The following DENND5B variants were observed in gnomAD, a reference collection of about 807,000 sequenced individuals.
DENND5B encodes the protein DENN domain containing 5B.
Under a neutral mutation model 140.6 loss-of-function variants are expected in DENND5B, and 34 were observed. That is an observed-to-expected ratio of 0.24 (90% CI 0.18 to 0.32). The LOEUF (loss-of-function observed/expected upper bound fraction) is 0.32, where lower values mean the gene tolerates loss of function less well. Ranked by LOEUF, DENND5B falls within the 10% of genes least tolerant of loss-of-function variation. The pLI is 1.00. For missense variants in DENND5B, 1,142 were observed against 1,560.2 expected (o/e 0.73, Z 4.52); for synonymous variants, 551 against 562.1 (o/e 0.98, Z 0.28).
At chr12:31,530,909 C>T (rs1948256935) in intron 1 of DENND5B, among the ~76,000 whole-genome samples, 1 of 152,144 alleles carries the variant, frequency 6.6e-6, no homozygotes, top group African/African-American at 2.4e-5. Context: ...AGATTCATCT[C>T]CTATTTTACT....
chr12:31,485,317 G>C (rs561533883), intron 2 of DENND5B, among the ~76,000 whole-genome samples: 1 of 152,072 alleles, frequency 6.6e-6, no homozygotes, highest in Non-Finnish European at 1.5e-5. Flanking sequence ...CAAGCATCTC[G>C]ACAATTTTTT....
At chr12:31,502,876 T>C (rs898548008) in intron 1 of DENND5B, among the ~76,000 whole-genome samples, 1 of 152,198 alleles carries the variant, frequency 6.6e-6, no homozygotes, top group Non-Finnish European at 1.5e-5. Flanking sequence ...ATCGGTTTAT[T>C]ACAAATATCT....
intron 1 of DENND5B, among the ~76,000 whole-genome samples, chr12:31,566,524 T>C (rs1198943451): frequency 6.6e-6 from 1 of 151,966 alleles, no homozygotes; most frequent in Non-Finnish European, 1.5e-5. Flanking sequence ...ATCCCAGCAC[T>C]TTGGGAGGCA....
rs759216087 is a variant in DENND5B at position 31,392,249 on chromosome 12, C to T, written c.3466+18G>A. The T allele has an allele frequency of 2.5e-6, 4 of 1,612,588 alleles. No individual in the cohort carries two copies. The highest frequency in any genetic ancestry group is 1.7e-5 in the Admixed American group (1 of 59,926). ...AGGCTTCAGTGACCTTAATGTAATA[C>T]ACATCTACTTTATTTACCTATGAAG... On this transcript the variant is annotated intron_variant, in intron 19 of 20. Transcript: ENST00000389082.
At chr12:31,571,280 G>C (rs1381683234) in intron 1 of DENND5B, among the ~76,000 whole-genome samples, 1 of 152,184 alleles carries the variant, frequency 6.6e-6, no homozygotes, top group African/African-American at 2.4e-5. Context: ...CAGTAAGATA[G>C]AGATCAAGAG....
chr12:31,546,333 C>A (rs996043110), intron 1 of DENND5B, among the ~76,000 whole-genome samples: 1 of 152,078 alleles, frequency 6.6e-6, no homozygotes, highest in Non-Finnish European at 1.5e-5. Context: ...CTCTTAAATT[C>A]TTTCTCCATT....
intron 1 of DENND5B, among the ~76,000 whole-genome samples, chr12:31,508,864 T>C (rs1335559295): frequency 6.6e-6 from 1 of 152,152 alleles, no homozygotes; most frequent in African/African-American, 2.4e-5. Flanking sequence ...ACTAAGACCC[T>C]CCCAGTTCTA....
At chr12:31,505,710 G>A (rs952630046) in intron 1 of DENND5B, among the ~76,000 whole-genome samples, 5 of 152,130 alleles carry the variant, frequency 3.3e-5, no homozygotes, top group African/African-American at 1.2e-4. Flanking sequence ...TGATGGTCAT[G>A]AAAGGAATCA....
intron 3 of DENND5B, chr12:31,465,910 C>G (rs1426576779): frequency 6.5e-6 from 1 of 152,730 alleles, no homozygotes; most frequent in African/African-American, 2.4e-5. Flanking sequence ...CCTAAGCCAC[C>G]CAACCTAAAC....
At chr12:31,585,090 C>T (rs1445970131) in intron 1 of DENND5B, among the ~76,000 whole-genome samples, 1 of 152,106 alleles carries the variant, frequency 6.6e-6, no homozygotes, top group East Asian at 1.9e-4. Flanking sequence ...TCTAGGAGGG[C>T]ACCAAGCCAT....
intron 1 of DENND5B, among the ~76,000 whole-genome samples, chr12:31,584,081 AT>A (rs1275647555): frequency 6.6e-6 from 1 of 152,160 alleles, no homozygotes; most frequent in Non-Finnish European, 1.5e-5. Flanking sequence ...TATTCTAGAT[AT>A]TTACTTTTAT....
intron 1 of DENND5B, among the ~76,000 whole-genome samples, chr12:31,584,120 T>C (rs760725228): frequency 1.3e-5 from 2 of 152,196 alleles, no homozygotes; most frequent in East Asian, 3.9e-4. Flanking sequence ...TGACCAACAG[T>C]GGAAATACAA....
chr12:31,582,684 A>C (rs541325490), intron 1 of DENND5B, among the ~76,000 whole-genome samples: 41 of 152,346 alleles, frequency 2.7e-4, no homozygotes, highest in African/African-American at 9.1e-4. Context: ...TGCTGACCAA[A>C]GAAGAAACAA....
intron 1 of DENND5B, among the ~76,000 whole-genome samples, chr12:31,521,028 T>C (rs1437869883): frequency 1.3e-5 from 2 of 152,108 alleles, no homozygotes; most frequent in Non-Finnish European, 1.5e-5. Context: ...ACTAGTCAAG[T>C]TTCAAATACT....
chr12:31,564,649 C>T (rs1592059798), intron 1 of DENND5B, among the ~76,000 whole-genome samples: 2 of 151,128 alleles, frequency 1.3e-5, no homozygotes, highest in East Asian at 1.9e-4. Flanking sequence ...AGAGCAGTGG[C>T]GAGATCTCTG....
chr12:31,553,865 A>T (rs1949166901), intron 1 of DENND5B, among the ~76,000 whole-genome samples: 1 of 152,112 alleles, frequency 6.6e-6, no homozygotes, highest in Non-Finnish European at 1.5e-5. Flanking sequence ...AGTTTGTTTT[A>T]TCAGAGACTA....
Position 31,538,958 on chromosome 12 carries a change from G to GTT in DENND5B, c.128-43041_128-43040dup, listed in dbSNP as rs75708833. ...ATACAAAACTTCAATGAAACAAAAG[G>GTT]TTTTTTTTTTTTTGAAAAAAAAAAT... On this transcript the variant is annotated intron_variant, in intron 1 of 20. Coordinates refer to ENST00000389082, the MANE Select transcript of DENND5B (RefSeq NM_144973.4). 3.2e-3 allele frequency among the ~76,000 whole-genome samples: 444 copies of GTT among 138,182 alleles called. 2 individuals are homozygous for GTT. The highest frequency in any genetic ancestry group is 0.011 in the African/African-American group (398 of 37,586). 90.7% of individuals were successfully genotyped at this position (138,182 alleles called of 152,430 possible). A position where few individuals can be genotyped will look rare whatever the true frequency, so the allele number is the denominator to read the frequency against.
chr12:31,511,536 T>C (rs917668199), intron 1 of DENND5B, among the ~76,000 whole-genome samples: 1 of 87,504 alleles, frequency 1.1e-5, no homozygotes, highest in Non-Finnish European at 2.1e-5. Context: ...GAATATGATG[T>C]CTTTTTTTTT....
intron 1 of DENND5B, among the ~76,000 whole-genome samples, chr12:31,524,387 T>C (rs1948011603): frequency 6.6e-6 from 1 of 152,182 alleles, no homozygotes; most frequent in African/African-American, 2.4e-5. Context: ...GCACGGTGGC[T>C]CACACCTGTA....
Sources: gnomAD v4.1 joint callset for allele counts (sites outside exome capture counted in the v4.1 genomes callset) on GRCh38, gnomAD v4.1.1 for gene constraint, MANE v1.5 for transcripts, NCBI Gene and HGNC (gene_info 2026-07-23, HGNC 2026-07-21) for gene names.